Variants in ATL1 observed in about 807,000 individuals in gnomAD.
The protein encoded by ATL1 is atlastin GTPase 1, also known as atlastin-1.
Under a neutral mutation model 75.5 loss-of-function variants are expected in ATL1, and 31 were observed. The ratio of observed to expected loss-of-function variants is 0.41; its 90% CI spans 0.31 to 0.55. The LOEUF is 0.55. Ranked by LOEUF, ATL1 falls within the 20% of genes least tolerant of loss-of-function variation. The pLI, the probability that ATL1 is intolerant of heterozygous loss-of-function variation, is 0.27. For synonymous variants in ATL1, 226 were observed against 233.3 expected (o/e 0.97, Z 0.28); for missense variants, 405 against 662.6 (o/e 0.61, Z 4.27).
At chr14:50,618,843 C>CAT (rs771749679) in intron 8 of ATL1, among the ~76,000 whole-genome samples, 5 of 148,218 alleles carry the variant, frequency 3.4e-5, no homozygotes, top group South Asian at 2.2e-4. Context: ...TGTATTTTTC[C>CAT]ATATATATAT....
intron 1 of ATL1, among the ~76,000 whole-genome samples, chr14:50,563,259 T>C (rs2038869175): frequency 6.6e-6 from 1 of 152,240 alleles, no homozygotes; most frequent in South Asian, 2.1e-4. Context: ...GAAAGTCATG[T>C]ATTTGGTAAG....
intron 1 of ATL1, among the ~76,000 whole-genome samples, chr14:50,578,924 T>A (rs949372018): frequency 6.6e-6 from 1 of 152,252 alleles, no homozygotes; most frequent in Non-Finnish European, 1.5e-5. Flanking sequence ...CCACCTGTAG[T>A]ATCTGTGAGT....
At chr14:50,598,304 C>T (rs1424818926) in intron 6 of ATL1, among the ~76,000 whole-genome samples, 1 of 152,048 alleles carries the variant, frequency 6.6e-6, no homozygotes, top group East Asian at 1.9e-4. Flanking sequence ...TTCTACAACT[C>T]ATATGGAAGA....
rs548367830 is a variant in ATL1 at position 50,567,550 on chromosome 14, A to G, written c.34+7251A>G. 1.4e-3 allele frequency among the ~76,000 whole-genome samples: 218 copies of G among 152,324 alleles called. No homozygotes were observed. The Middle Eastern group carries it at 0.024, about 17-fold the overall frequency. ...TTAAGGAACTGCTATACTGTTTTCC[A>G]CAGAGGTTGTACCATTTTATGTTCT... On this transcript the variant is annotated intron_variant, in intron 1 of 13. Transcript: ENST00000358385.
At chr14:50,538,912 T>A (rs1408038510) in intron 1 of ATL1, among the ~76,000 whole-genome samples, 1 of 152,236 alleles carries the variant, frequency 6.6e-6, no homozygotes, top group Non-Finnish European at 1.5e-5. Flanking sequence ...CTCAAACTCC[T>A]GGCCTCAAGC....
At chr14:50,543,439 A>G (rs1412310019) in intron 1 of ATL1, among the ~76,000 whole-genome samples, 3 of 152,206 alleles carry the variant, frequency 2.0e-5, no homozygotes, top group African/African-American at 7.2e-5. Flanking sequence ...GAAAGCTTCT[A>G]TTAGTGCCAC....
chr14:50,573,601 TC>T (rs1267663606), intron 1 of ATL1, among the ~76,000 whole-genome samples: 3 of 152,038 alleles, frequency 2.0e-5, no homozygotes, highest in Non-Finnish European at 1.5e-5. Flanking sequence ...ATTTCATGTT[TC>T]CTGATTTTTG....
intron 1 of ATL1, among the ~76,000 whole-genome samples, chr14:50,539,580 G>A (rs2038535791): frequency 6.6e-6 from 1 of 152,194 alleles, no homozygotes; most frequent in Non-Finnish European, 1.5e-5. Context: ...TGGTGGAGAT[G>A]GCCTAGAACC....
chr14:50,583,746 G>A (rs1436609496), intron 1 of ATL1, among the ~76,000 whole-genome samples: 1 of 152,168 alleles, frequency 6.6e-6, no homozygotes, highest in South Asian at 2.1e-4. Context: ...ATAATTAGAA[G>A]GATAGGAGGT....
intron 9 of ATL1, 110 bp downstream of exon 9, chr14:50,620,836 G>A: frequency 7.7e-7 from 1 of 1,292,596 alleles, no homozygotes; most frequent in Non-Finnish European, 1.1e-6. Flanking sequence ...AAGGTACGAG[G>A]AATCTATAAA....
At chr14:50,540,283 G>C (rs984419640) in intron 1 of ATL1, among the ~76,000 whole-genome samples, 1 of 152,158 alleles carries the variant, frequency 6.6e-6, no homozygotes, top group African/African-American at 2.4e-5. Flanking sequence ...AACCATCAGC[G>C]TACTTAAGTG....
intron 2 of ATL1, among the ~76,000 whole-genome samples, chr14:50,590,415 C>T (rs2140204307): frequency 6.6e-6 from 1 of 152,242 alleles, no homozygotes; most frequent in Non-Finnish European, 1.5e-5. Flanking sequence ...GCTTCCTCCT[C>T]CCACAAAACC....
chr14:50,545,272 A>G (rs937199893), intron 1 of ATL1, among the ~76,000 whole-genome samples: 12 of 152,210 alleles, frequency 7.9e-5, no homozygotes, highest in Non-Finnish European at 1.3e-4. Context: ...AAACTCATCT[A>G]CTTGCCAATC....
At chr14:50,571,728 T>C (rs1224829265) in intron 1 of ATL1, among the ~76,000 whole-genome samples, 1 of 152,196 alleles carries the variant, frequency 6.6e-6, no homozygotes, top group Non-Finnish European at 1.5e-5. Context: ...GGTTTGCTAA[T>C]CTTTAGATTA....
At chr14:50,575,106 A>G (rs2140189255) in intron 1 of ATL1, among the ~76,000 whole-genome samples, 1 of 150,960 alleles carries the variant, frequency 6.6e-6, no homozygotes, top group East Asian at 1.9e-4. Context: ...CTTTCCCCCC[A>G]TGTCTATTAG....
intron 4 of ATL1, among the ~76,000 whole-genome samples, chr14:50,592,946 A>ATGTG (rs35964654): frequency 3.6e-3 from 479 of 132,530 alleles, no homozygotes; most frequent in Non-Finnish European, 4.8e-3. Flanking sequence ...ATATATATAT[A>ATGTG]TGTGTGTGTG....
At chr14:50,615,868 T>C (rs3015447) in intron 8 of ATL1, among the ~76,000 whole-genome samples, 117,871 of 152,234 alleles carry the variant, frequency 0.77, 46,031 homozygotes, top group African/African-American at 0.87. Context: ...CTAAAAATGA[T>C]GGTGGCTTGT....
chr14:50,631,301 C>A (rs2039578436), intron 13 of ATL1, among the ~76,000 whole-genome samples: 1 of 151,264 alleles, frequency 6.6e-6, no homozygotes, highest in African/African-American at 2.4e-5. Flanking sequence ...AAAACCAGAT[C>A]CAAAGAAAGT....
At chr14:50,542,474 GAAAAT>G (rs897426034) in intron 1 of ATL1, 4 of 152,068 alleles carry the variant, frequency 2.6e-5, no homozygotes, top group African/African-American at 9.7e-5. Context: ...AAAAATAAAA[GAAAAT>G]AAAAGAAATT....
Sources: gnomAD v4.1 joint callset for allele counts (sites outside exome capture counted in the v4.1 genomes callset) on GRCh38, gnomAD v4.1.1 for gene constraint, MANE v1.5 for transcripts, NCBI Gene and HGNC (gene_info 2026-07-23, HGNC 2026-07-21) for gene names.